The following DOCK11 variants were observed in gnomAD, a reference collection of about 807,000 sequenced individuals.
DOCK11 encodes the protein dedicator of cytokinesis 11.
A neutral mutation model predicts 169.1 loss-of-function variants in DOCK11; 70 were observed. The observed-to-expected ratio is 0.41, with a 90% CI of 0.34 to 0.51. The LOEUF (loss-of-function observed/expected upper bound fraction) is 0.51. DOCK11 is among the 20% of genes least tolerant of loss of function. DOCK11 has a pLI of 0.10. For synonymous variants in DOCK11, 529 were observed against 541.3 expected, an observed-to-expected ratio of 0.98 and a Z score of 0.32; for missense variants, 1,166 against 1,538.8, an observed-to-expected ratio of 0.76 and a Z score of 4.05.
intron 40 of DOCK11, among the ~76,000 whole-genome samples, chrX:118,647,714 A>T (rs1202809408): frequency 1.8e-5 from 1 of 56,280 alleles, no homozygotes; most frequent in Admixed American, 3.4e-4. Flanking sequence ...TAATAATATA[A>T]TATATAATAA....
intron 32 of DOCK11, among the ~76,000 whole-genome samples, chrX:118,626,545 G>A (rs954765641): frequency 8.9e-6 from 1 of 111,766 alleles, no homozygotes; most frequent in South Asian, 3.7e-4. Context: ...ACTTTGGCTG[G>A]CCACGTAATA....
intron 6 of DOCK11, among the ~76,000 whole-genome samples, chrX:118,558,259 C>T (rs1286743941): frequency 2.7e-5 from 3 of 110,674 alleles, no homozygotes; most frequent in Non-Finnish European, 5.7e-5. Context: ...AGGCATGAAC[C>T]ACCGCTCCTG....
chrX:118,558,592 C>A (rs1256846248), intron 6 of DOCK11, among the ~76,000 whole-genome samples: 1 of 112,067 alleles, frequency 8.9e-6, no homozygotes, highest in Admixed American at 9.5e-5. Flanking sequence ...TTAGGATATT[C>A]CTTTCTTCTT....
At chrX:118,621,832 A>G (rs2014983400) in intron 31 of DOCK11, among the ~76,000 whole-genome samples, 2 of 111,199 alleles carry the variant, frequency 1.8e-5, no homozygotes, top group South Asian at 7.6e-4. Flanking sequence ...ATGGGATTTC[A>G]CCATGATGGC....
At chrX:118,670,709 C>T (rs1005139698) in intron 45 of DOCK11, among the ~76,000 whole-genome samples, 1 of 111,049 alleles carries the variant, frequency 9.0e-6, no homozygotes, top group African/African-American at 3.3e-5. Context: ...CAATATATTC[C>T]CTTTTTAAAA....
chrX:118,593,229 C>A lies in DOCK11; in HGVS notation c.2155C>A (p.Pro719Thr). 2.5e-6 allele frequency: 3 copies of A among 1,195,891 alleles called. No individual in the cohort carries two copies. The highest frequency in any genetic ancestry group is 3.4e-6 in the Non-Finnish European group (3 of 888,874). ...EFYDEIKIEL[P>T]IHLHQKHHLL... is the part of the protein sequence containing the mutation. ...TTCATTTCAGATTAAAATTGAGCTTCCCATTCACCTACATCAAAAACATCA... is the reference window on the plus strand; with the variant it reads ...TTCATTTCAGATTAAAATTGAGCTTACCATTCACCTACATCAAAAACATCA... Residue 719 changes from proline to threonine, a missense_variant, in exon 20 of 53, where the codon CCC (proline) becomes ACC (threonine). By Grantham distance (38) the Pro-to-Thr change is conservative (BLOSUM62 -1). Coordinates refer to ENST00000276202, the MANE Select transcript of DOCK11 (RefSeq NM_144658.4).
intron 40 of DOCK11, among the ~76,000 whole-genome samples, chrX:118,644,664 AG>A (rs2015611646): frequency 9.0e-6 from 1 of 111,561 alleles, no homozygotes; most frequent in Non-Finnish European, 1.9e-5. Context: ...GAGCAGGAGA[AG>A]AACTCTAATT....
At chrX:118,618,420 C>G in intron 30 of DOCK11, 130 bp from the exon 31 acceptor site, 2 of 514,616 alleles carry the variant, frequency 3.9e-6, no homozygotes, top group Non-Finnish European at 5.8e-6. Context: ...AAGAATTGCT[C>G]AGAATCATTA....
chrX:118,540,497 T>C (rs1330439064), intron 1 of DOCK11, among the ~76,000 whole-genome samples: 1 of 111,933 alleles, frequency 8.9e-6, no homozygotes, highest in Non-Finnish European at 1.9e-5. Flanking sequence ...TTTGCAGTAG[T>C]ATTTGCAGAC....
chrX:118,636,890 C>G lies in DOCK11; in HGVS notation c.3953+478C>G, dbSNP rs766347367. Among the ~76,000 whole-genome samples, 3 of 111,987 alleles carry G rather than the reference C, an allele frequency of 2.7e-5. No individual in the cohort carries two copies. The South Asian group carries it at 1.1e-3, about 42-fold the overall frequency. ...GTGTATATGTATGTATTCCAAGACT[C>G]TTGGGGGGAAACCTAGTCTGGACAT... On this transcript the variant is annotated intron_variant, in intron 36 of 52. Transcript: ENST00000276202.
chrX:118,500,927 G>GC (rs1273176767), intron 1 of DOCK11, among the ~76,000 whole-genome samples: 2 of 111,363 alleles, frequency 1.8e-5, no homozygotes, highest in African/African-American at 6.5e-5. Context: ...ACAGGCATGA[G>GC]CCACTTCGCC....
intron 6 of DOCK11, among the ~76,000 whole-genome samples, chrX:118,560,211 G>A (rs749910153): frequency 9.1e-6 from 1 of 110,485 alleles, no homozygotes; most frequent in Non-Finnish European, 1.9e-5. Context: ...GTCCCTTAAG[G>A]CTTTTATATA....
At chrX:118,608,626 G>A (rs1180983170) in intron 26 of DOCK11, among the ~76,000 whole-genome samples, 1 of 111,584 alleles carries the variant, frequency 9.0e-6, no homozygotes, top group Non-Finnish European at 1.9e-5. Context: ...AAATAGTTTT[G>A]TGACCTGGGG....
chrX:118,683,054 C>G (rs1440701253), intron 51 of DOCK11, 25 bp from the exon 52 acceptor site: 1 of 1,188,493 alleles, frequency 8.4e-7, no homozygotes, highest in Non-Finnish European at 1.1e-6. Flanking sequence ...ATAACAAGAC[C>G]TTTATCTTTG....
At chrX:118,525,132 G>A (rs1409796693) in intron 1 of DOCK11, among the ~76,000 whole-genome samples, 3 of 107,078 alleles carry the variant, frequency 2.8e-5, no homozygotes, top group African/African-American at 1.0e-4. Flanking sequence ...GTGACAGAGC[G>A]AGACTCTGTC....
chrX:118,574,960 A>G (rs993178896), intron 12 of DOCK11, among the ~76,000 whole-genome samples: 5 of 112,194 alleles, frequency 4.5e-5, no homozygotes, highest in Non-Finnish European at 9.4e-5. Flanking sequence ...AGACTTTTGC[A>G]GCTAAAAGGA....
intron 1 of DOCK11, among the ~76,000 whole-genome samples, chrX:118,523,889 G>A (rs146306794): frequency 7.7e-4 from 86 of 111,431 alleles, no homozygotes; most frequent in African/African-American, 2.5e-3. Context: ...TTGATCCTCC[G>A]AGATGGAACT....
At chrX:118,543,099 C>A in intron 3 of DOCK11, 84 bp downstream of exon 3, 3 of 718,325 alleles carry the variant, frequency 4.2e-6, no homozygotes, top group African/African-American at 2.2e-5. Flanking sequence ...GTATTTGTAA[C>A]CTGTTTATAA....
intron 6 of DOCK11, among the ~76,000 whole-genome samples, chrX:118,549,519 C>T (rs1332967592): frequency 2.7e-5 from 3 of 111,382 alleles, no homozygotes; most frequent in Admixed American, 9.6e-5. Context: ...GTTAATTGGT[C>T]ATATGAAGCT....
Sources: gnomAD v4.1 joint callset for allele counts (sites outside exome capture counted in the v4.1 genomes callset) on GRCh38, gnomAD v4.1.1 for gene constraint, MANE v1.5 for transcripts, NCBI Gene and HGNC (gene_info 2026-07-23, HGNC 2026-07-21) for gene names.